BRIP1: variants seen among roughly 807,000 people sequenced by gnomAD.
The protein encoded by BRIP1 is BRCA1 interacting DNA helicase 1, also known as Fanconi anemia group J protein.
Under a neutral mutation model 119.7 loss-of-function variants are expected in BRIP1, and 88 were observed. That is an observed-to-expected ratio of 0.74 (90% confidence interval 0.62 to 0.88). BRIP1 has a LOEUF of 0.88. BRIP1 is among the 40% of genes least tolerant of loss of function. The pLI is 0.00. For synonymous variants in BRIP1, 443 were observed against 496.5 expected (o/e 0.89, Z 1.43); for missense variants, 1,259 against 1,455.4 (o/e 0.87, Z 2.20).
chr17:61,788,589 T>C (rs1337163578), intron 10 of BRIP1, among the ~76,000 whole-genome samples: 2 of 152,186 alleles, frequency 1.3e-5, no homozygotes, highest in Admixed American at 6.5e-5. Flanking sequence ...AATCATTAAT[T>C]AACAAATGTG....
chr17:61,752,869 G>T lies in BRIP1; in HGVS notation c.2098-8278C>A, dbSNP rs918000515. Among the ~76,000 whole-genome samples, 7 of 152,172 alleles carry T rather than the reference G, an allele frequency of 4.6e-5. No individual in the cohort carries two copies. Among genetic ancestry groups the T allele is most frequent in the African/African-American group, 1.4e-4 (6 of 41,436 alleles). On this transcript the variant is annotated intron_variant, in intron 14 of 19. Coordinates refer to ENST00000259008, the MANE Select transcript of BRIP1 (RefSeq NM_032043.3). This position sits in a 1 kb window ranked among gnomAD's most constrained non-coding sequence, Gnocchi z 6.2. ...GACATGACAGGGAAGGGAGAAAAAG[G>T]TTCACAGGTGCTCTGTAGGTATATG...
chr17:61,750,317 C>T (rs1022968685), intron 14 of BRIP1, among the ~76,000 whole-genome samples: 1 of 152,038 alleles, frequency 6.6e-6, no homozygotes, highest in Non-Finnish European at 1.5e-5. Context: ...TGGATCACCA[C>T]ATGTAAAAAG....
Position 61,853,695 on chromosome 17 carries a change from C to CA in BRIP1, c.379+3362dup, listed in dbSNP as rs1295901649. On this transcript the variant is annotated intron_variant, in intron 4 of 19. Coordinates refer to ENST00000259008, the MANE Select transcript of BRIP1 (RefSeq NM_032043.3). The surrounding 1 kb of genome is among the most constrained non-coding windows in gnomAD (Gnocchi z 4.3). The stretch of plus-strand genomic sequence containing the variant: ...TGCTGAACAACTGGATATCCACATG[C>CA]AAAAAAATGAACTTGAATCCATACC... Among the ~76,000 whole-genome samples, 1 of 151,976 alleles carries CA rather than the reference C, an allele frequency of 6.6e-6. No homozygotes were observed. The highest frequency in any genetic ancestry group is 1.5e-5 in the Non-Finnish European group (1 of 67,992).
At chr17:61,850,798 G>C (rs547029830) in intron 4 of BRIP1, among the ~76,000 whole-genome samples, 2 of 151,074 alleles carry the variant, frequency 1.3e-5, no homozygotes, top group Non-Finnish European at 2.9e-5. Context: ...ATGCACTCCA[G>C]CCTGGGCAAC....
chr17:61,696,809 C>A (rs952810099), intron 17 of BRIP1, among the ~76,000 whole-genome samples: 5 of 150,782 alleles, frequency 3.3e-5, no homozygotes, highest in Non-Finnish European at 7.4e-5. Context: ...CACGGTGAAA[C>A]CCTGTCTCTA....
rs1179686900 is a variant in BRIP1 at position 61,845,082 on chromosome 17, G to A, written c.627+2019C>T. ...ATCAAGTAATTTCAGATAATAGTAA[G>A]CCCATGAAGGAAAGGAAAGAAAATG... On this transcript the variant is annotated intron_variant, in intron 6 of 19. Transcript: ENST00000259008. This position sits in a 1 kb window ranked among gnomAD's most constrained non-coding sequence, Gnocchi z 4.2. 6.6e-6 allele frequency among the ~76,000 whole-genome samples: 1 copy of A among 152,182 alleles called. No individual in the cohort carries two copies. The highest frequency in any genetic ancestry group is 2.4e-5 in the African/African-American group (1 of 41,444).
chr17:61,768,107 G>A lies in BRIP1; in HGVS notation c.2097+8294C>T, dbSNP rs996927539. On this transcript the variant is annotated intron_variant, in intron 14 of 19. Coordinates refer to ENST00000259008, the MANE Select transcript of BRIP1 (RefSeq NM_032043.3). This position sits in a 1 kb window ranked among gnomAD's most constrained non-coding sequence, Gnocchi z 5.0. ...ACCCAAACTGAAATCTTCTTGAAGA[G>A]ACAGTAACTTGTTTATTTTTGAATC... is the stretch of plus-strand genomic sequence containing the variant. Among the ~76,000 whole-genome samples the A allele has an allele frequency of 1.1e-4, 17 of 152,168 alleles. No individual in the cohort carries two copies. The highest frequency in any genetic ancestry group is 3.6e-4 in the African/African-American group (15 of 41,448).
rs796143160 is a variant in BRIP1, at chr17:61,807,765, T to A, written c.918+702A>T. 2.1e-4 allele frequency among the ~76,000 whole-genome samples: 32 copies of A among 152,262 alleles called. No individual in the cohort carries two copies. Among genetic ancestry groups the A allele is most frequent in the African/African-American group, 7.5e-4 (31 of 41,574 alleles). On this transcript the variant is annotated intron_variant, in intron 7 of 19. Transcript: ENST00000259008. The surrounding 1 kb of genome is among the most constrained non-coding windows in gnomAD (Gnocchi z 4.5). The stretch of plus-strand genomic sequence containing the variant: ...GGGGTATAATTTCATACTTGCAACT[T>A]CAATTTTAGAGTAAACTAATTATCA...
At chr17:61,750,532 T>C (rs2077117747) in intron 14 of BRIP1, among the ~76,000 whole-genome samples, 1 of 152,066 alleles carries the variant, frequency 6.6e-6, no homozygotes, top group African/African-American at 2.4e-5. Context: ...CATAAAAAAT[T>C]ATAAAACTTT....
Position 61,788,228 on chromosome 17 carries a change from C to A in BRIP1, c.1474-3804G>T, listed in dbSNP as rs181799205. 7.2e-5 allele frequency among the ~76,000 whole-genome samples: 11 copies of A among 152,060 alleles called. No individual in the cohort carries two copies. In the East Asian group the frequency reaches 2.1e-3, roughly 29 times the overall value. On this transcript the variant is annotated intron_variant, in intron 10 of 19. Transcript: ENST00000259008. ...TAAAAATGTAATTTTAAAAATATAT[C>A]ATTTGTAATGGAAACAGAAACTTTA...
chr17:61,770,878 C>T lies in BRIP1; in HGVS notation c.2097+5523G>A, dbSNP rs2144958916. On this transcript the variant is annotated intron_variant, in intron 14 of 19. Coordinates refer to ENST00000259008, the MANE Select transcript of BRIP1 (RefSeq NM_032043.3). This position sits in a 1 kb window ranked among gnomAD's most constrained non-coding sequence, Gnocchi z 4.7. Reference sequence around the variant, plus strand: ...TAGAGAAATAGAGGGGGAAAAGGCACCAGATATACAGAAAACAAACAGCAA... The same window carrying T: ...TAGAGAAATAGAGGGGGAAAAGGCATCAGATATACAGAAAACAAACAGCAA... 6.6e-6 allele frequency among the ~76,000 whole-genome samples: 1 copy of T among 152,170 alleles called. No homozygotes were observed. Among genetic ancestry groups the T allele is most frequent in the South Asian group, 2.1e-4 (1 of 4,818 alleles).
rs1353526212 is a variant in BRIP1 at position 61,744,486 on chromosome 17, A to G, written c.2203T>C (p.Phe735Leu). The G allele has an allele frequency of 6.2e-7, 1 of 1,613,786 alleles. No homozygotes were observed. Among genetic ancestry groups the G allele is most frequent in the Non-Finnish European group, 8.5e-7 (1 of 1,179,904 alleles). ...TAGTACACCTGCAGTAATTCATCAA[A>G]ATTTGTTTTTTCTCCTCCCTGTGGT... Reference protein sequence around the residue: ...VEPQGGEKTNFDELLQVYYDA... With the variant: ...VEPQGGEKTNLDELLQVYYDA... Residue 735 changes from phenylalanine to leucine, a missense_variant, in exon 15 of 20, where the codon TTT (phenylalanine) becomes CTT (leucine). Phe to Leu is a conservative substitution (Grantham distance 22). Coordinates refer to ENST00000259008, the MANE Select transcript of BRIP1 (RefSeq NM_032043.3). The surrounding 1 kb of genome is among the most constrained non-coding windows in gnomAD (Gnocchi z 5.0).
chr17:61,708,043 C>T lies in BRIP1; in HGVS notation c.2492+7908G>A, dbSNP rs1261162280. Among the ~76,000 whole-genome samples, 3 of 152,020 alleles carry T rather than the reference C, an allele frequency of 2.0e-5. No individual in the cohort carries two copies. Among genetic ancestry groups the T allele is most frequent in the Non-Finnish European group, 2.9e-5 (2 of 68,014 alleles). On this transcript the variant is annotated intron_variant, in intron 17 of 19. Coordinates refer to ENST00000259008, the MANE Select transcript of BRIP1 (RefSeq NM_032043.3). The surrounding 1 kb of genome is among the most constrained non-coding windows in gnomAD (Gnocchi z 4.4). ...TGTATTTTTAGTAGAGATGGGGTTT[C>T]ACCATGTTGGCCAGGCTGGTCTCAA... is the stretch of plus-strand genomic sequence containing the variant.
rs963008893 is a variant in BRIP1 at position 61,693,406 on chromosome 17, C to T, written c.2575+24G>A. On this transcript the variant is annotated intron_variant, in intron 18 of 19. Coordinates refer to ENST00000259008, the MANE Select transcript of BRIP1 (RefSeq NM_032043.3). This position sits in a 1 kb window ranked among gnomAD's most constrained non-coding sequence, Gnocchi z 4.2. ...ATATGAAGATTGTTACTAGTTTTTA[C>T]TCTAAGCCCAGCTGAGATCTTACCA... The T allele has an allele frequency of 1.3e-6, 2 of 1,590,636 alleles. No individual in the cohort carries two copies. The highest frequency in any genetic ancestry group is 2.7e-5 in the African/African-American group (2 of 74,366).
rs1006906345 is a variant in BRIP1, at chr17:61,845,407, G to A, written c.627+1694C>T. On this transcript the variant is annotated intron_variant, in intron 6 of 19. Coordinates refer to ENST00000259008, the MANE Select transcript of BRIP1 (RefSeq NM_032043.3). This position sits in a 1 kb window ranked among gnomAD's most constrained non-coding sequence, Gnocchi z 4.2. ...GCACTGGTCATTTAAATAATATTTAGTTCGCTGAGTTTAAGTTCATTGAGT... is the reference window on the plus strand; with the variant it reads ...GCACTGGTCATTTAAATAATATTTAATTCGCTGAGTTTAAGTTCATTGAGT... Among the ~76,000 whole-genome samples the A allele has an allele frequency of 6.6e-6, 1 of 152,160 alleles. No homozygotes were observed. The highest frequency in any genetic ancestry group is 2.4e-5 in the African/African-American group (1 of 41,434).
Position 61,758,049 on chromosome 17 carries a change from T to C in BRIP1, c.2098-13458A>G, listed in dbSNP as rs188631390. 8.5e-5 allele frequency among the ~76,000 whole-genome samples: 13 copies of C among 152,196 alleles called. No homozygotes were observed. The highest frequency in any genetic ancestry group is 3.1e-4 in the African/African-American group (13 of 41,534). ...ACAATAAGAACTCAATACTATGTTA[T>C]GTATGGAACAAATTCTTAACTCTTT... is the stretch of plus-strand genomic sequence containing the variant. On this transcript the variant is annotated intron_variant, in intron 14 of 19. Transcript: ENST00000259008. The surrounding 1 kb of genome is among the most constrained non-coding windows in gnomAD (Gnocchi z 5.3).
chr17:61,737,807 C>T (rs1024078970), intron 16 of BRIP1, among the ~76,000 whole-genome samples: 1 of 152,100 alleles, frequency 6.6e-6, no homozygotes, highest in Non-Finnish European at 1.5e-5. Context: ...TAACAAATAC[C>T]TTTTAATTAT....
rs115025093 is a variant in BRIP1 at position 61,700,122 on chromosome 17, T to C, written c.2493-6610A>G. Among the ~76,000 whole-genome samples, 11 of 152,296 alleles carry C rather than the reference T, an allele frequency of 7.2e-5. No homozygotes were observed. Among genetic ancestry groups the C allele is most frequent in the African/African-American group, 2.6e-4 (11 of 41,558 alleles). On this transcript the variant is annotated intron_variant, in intron 17 of 19. Coordinates refer to ENST00000259008, the MANE Select transcript of BRIP1 (RefSeq NM_032043.3). This position sits in a 1 kb window ranked among gnomAD's most constrained non-coding sequence, Gnocchi z 4.1. ...AGGCTATCTAACTGTTCCAAGTGAA[T>C]TGCTGAACCTGAAGGTGGTCTTGGC...
In BRIP1 at chr17:61,795,187, T is replaced by G. The variant is rs2077881064; in HGVS notation, c.1341-1458A>C. Among the ~76,000 whole-genome samples, 1 of 152,082 alleles carries G rather than the reference T, an allele frequency of 6.6e-6. No homozygotes were observed. The highest frequency in any genetic ancestry group is 1.5e-5 in the Non-Finnish European group (1 of 67,990). ...AGGCATGCAATATGTAATAATCACA[T>G]CATGGAAGATGGGGTATCCATCCTC... On this transcript the variant is annotated intron_variant, in intron 9 of 19. Transcript: ENST00000259008. This position sits in a 1 kb window ranked among gnomAD's most constrained non-coding sequence, Gnocchi z 5.6.
Sources: gnomAD v4.1 joint callset for allele counts (sites outside exome capture counted in the v4.1 genomes callset) on GRCh38, gnomAD v4.1.1 for gene constraint, Gnocchi (gnomAD v3.1) non-coding constraint, MANE v1.5 for transcripts, NCBI Gene and HGNC (gene_info 2026-07-23, HGNC 2026-07-21) for gene names.